Variants in TRAF3IP3 observed in about 807,000 individuals in gnomAD.
TRAF3IP3 encodes TRAF3-interacting JNK-activating modulator.
In TRAF3IP3, 64 loss-of-function variants were observed where a neutral mutation model predicts 86.5. The observed-to-expected ratio is 0.74, with a 90% confidence interval of 0.60 to 0.91. The LOEUF is 0.91. Ranked by LOEUF, TRAF3IP3 falls within the 40% of genes least tolerant of loss-of-function variation. The pLI is 0.00. For missense variants in TRAF3IP3, 579 were observed against 642.9 expected (o/e 0.90, Z 1.07); for synonymous variants, 220 against 243.9 (o/e 0.90, Z 0.91).
rs867386491 is a variant in TRAF3IP3, at chr1:209,778,024, C to G, written c.1190-87C>G. ...ACACACGTTAAAGACCATGACAAGACAGCATCTATTACTAATTTCCATCCT... is the reference window on the plus strand; with the variant it reads ...ACACACGTTAAAGACCATGACAAGAGAGCATCTATTACTAATTTCCATCCT... On this transcript the variant is annotated intron_variant, in intron 12 of 16. Coordinates refer to ENST00000367025, the MANE Select transcript of TRAF3IP3 (RefSeq NM_025228.4). 50 of 1,153,308 alleles carry G rather than the reference C, an allele frequency of 4.3e-5. 2 individuals are homozygous for G. In the Middle Eastern group the frequency reaches 8.2e-3, roughly 189 times the overall value. The allele number at this position is 1,153,308 out of a possible 1,614,324, so 71.4% of individuals were successfully genotyped here. A position where few individuals can be genotyped will look rare whatever the true frequency, so the allele number is the denominator to read the frequency against.
In TRAF3IP3 at chr1:209,780,566, T is replaced by C; in HGVS notation, c.1409T>C (p.Leu470Pro). The C allele has an allele frequency of 6.2e-7, 1 of 1,600,570 alleles. No homozygotes were observed. The highest frequency in any genetic ancestry group is 1.1e-5 in the South Asian group (1 of 89,366). ...AAAGACTGGGATCTCAGAGACCAGC[T>C]GCAAAAGAAGACTTTGCAGCTCCAG... ...KEKDWDLRDQ[L>P]QKKTLQLQAK... Residue 470 changes from leucine to proline, a missense_variant, in exon 15 of 17, where the codon CTG (leucine) becomes CCG (proline). Transcript: ENST00000367025.
At chr1:209,780,838 G>A (rs894061586) in intron 15 of TRAF3IP3, 10 of 299,600 alleles carry the variant, frequency 3.3e-5, no homozygotes, top group African/African-American at 1.1e-4. Context: ...TTAGAAAGTC[G>A]ACCAAAACTC....
chr1:209,780,808 TTTTATTAAA>T (rs767244935), intron 15 of TRAF3IP3: 10 of 367,482 alleles, frequency 2.7e-5, no homozygotes, highest in Middle Eastern at 7.3e-4. Flanking sequence ...CTATTCAAGG[TTTTATTAAA>T]TGATTACCTT....
At chr1:209,773,259 C>T (rs2077583489) in intron 9 of TRAF3IP3, among the ~76,000 whole-genome samples, 1 of 152,164 alleles carries the variant, frequency 6.6e-6, no homozygotes, top group Non-Finnish European at 1.5e-5. Context: ...TGGAGGAATC[C>T]CAGCACTAAC....
Position 209,763,487 on chromosome 1 carries a change from C to G in TRAF3IP3, c.607-5C>G, listed in dbSNP as rs750677077. ...CCCTCTTGCACTTTGTGCCCGCACCCCCAGGAGGCCCTACAAAGGGAGCTG... is the reference window on the plus strand; with the variant it reads ...CCCTCTTGCACTTTGTGCCCGCACCGCCAGGAGGCCCTACAAAGGGAGCTG... On this transcript the variant is annotated splice_polypyrimidine_tract_variant and splice_region_variant and intron_variant, in intron 7 of 16. Transcript: ENST00000367025. 1.9e-6 allele frequency: 3 copies of G among 1,614,088 alleles called. No homozygotes were observed. The highest frequency in any genetic ancestry group is 2.5e-6 in the Non-Finnish European group (3 of 1,179,932).
chr1:209,777,829 A>G, intron 12 of TRAF3IP3: 1 of 535,296 alleles, frequency 1.9e-6, no homozygotes, highest in Non-Finnish European at 3.3e-6. Flanking sequence ...CAAGGCATAG[A>G]GAAAGTCTCT....
chr1:209,764,241 T>G (rs1002048765), intron 8 of TRAF3IP3, among the ~76,000 whole-genome samples: 6 of 152,188 alleles, frequency 3.9e-5, no homozygotes, highest in African/African-American at 1.4e-4. Context: ...GGTTCTTGCT[T>G]TGAGAAGGCT....
chr1:209,777,466 T>C lies in TRAF3IP3; in HGVS notation c.1168T>C (p.Leu390=), dbSNP rs999399284. 2.5e-5 allele frequency: 40 copies of C among 1,613,776 alleles called. No homozygotes were observed. Among genetic ancestry groups the C allele is most frequent in the Non-Finnish European group, 3.2e-5 (38 of 1,179,868 alleles). Residue 390 remains leucine, a synonymous_variant, in exon 12 of 17, where the codon TTG becomes CTG. Coordinates refer to ENST00000367025, the MANE Select transcript of TRAF3IP3 (RefSeq NM_025228.4). The part of the protein sequence containing the change: ...CLQGDRDLCS[L]DTQDLQDQLK... ...GCAAGGGGACAGAGACCTGTGCAGC[T>C]TGGATACCCAGGACCTACAAGGTAC... is the stretch of plus-strand genomic sequence containing the variant.
rs1293668345 is a variant in TRAF3IP3 at position 209,773,145 on chromosome 1, C to T, written c.774+126C>T. On this transcript the variant is annotated intron_variant, in intron 9 of 16. Coordinates refer to ENST00000367025, the MANE Select transcript of TRAF3IP3 (RefSeq NM_025228.4). ...AGAATAACACACCCATTCCTACTTA[C>T]CCATTTCTGGCTTGGCCATTTACAC... 69 of 802,690 alleles carry T rather than the reference C, an allele frequency of 8.6e-5. No homozygotes were observed. In the South Asian group the frequency reaches 1.3e-3, roughly 15 times the overall value. The allele number at this position is 802,690 out of a possible 1,614,324, so 49.7% of individuals were successfully genotyped here.
intron 3 of TRAF3IP3, among the ~76,000 whole-genome samples, 167 bp downstream of exon 3, chr1:209,760,551 T>A (rs2077228754): frequency 1.3e-5 from 2 of 152,248 alleles, no homozygotes; most frequent in Non-Finnish European, 2.9e-5. Context: ...CAACAGCTAC[T>A]TATTCAGAGA....
rs142067702 is a variant in TRAF3IP3, at chr1:209,760,276, G to A, written c.237G>A (p.Ala79=). The A allele has an allele frequency of 4.0e-4, 650 of 1,614,218 alleles. 2 individuals carry two copies. The African/African-American group carries it at 5.8e-3, about 14-fold the overall frequency. ...RNLELEEKGK[A]QHPQAREQGP... ...TGGAGCTAGAGGAGAAGGGCAAAGC[G>A]CAGCATCCCCAGGCCAGGGAGCAAG... Residue 79 remains alanine (A), a synonymous_variant, in exon 3 of 17, where the codon GCG becomes GCA. Transcript: ENST00000367025.
Position 209,765,779 on chromosome 1 carries a change from C to G in TRAF3IP3, c.702+2192C>G, listed in dbSNP as rs773860983. ...AATGTCTGGCTGAAAAAAAAGACAG[C>G]TAGCTTCTCAATTTGCTTCTGTATT... On this transcript the variant is annotated intron_variant, in intron 8 of 16. Transcript: ENST00000367025. Among the ~76,000 whole-genome samples, 80 of 152,298 alleles carry G rather than the reference C, an allele frequency of 5.3e-4. 1 individual carries two copies. The highest frequency in any genetic ancestry group is 5.3e-4 in the Non-Finnish European group (36 of 68,008).
chr1:209,774,869 G>A (rs2077619795), intron 9 of TRAF3IP3, among the ~76,000 whole-genome samples: 1 of 152,132 alleles, frequency 6.6e-6, no homozygotes. Context: ...CCTGAACTAA[G>A]GAAGCAGCAG....
At position 209,777,391 on chromosome 1, in the gene TRAF3IP3, C is replaced by T. The variant is rs1391571984; in HGVS notation, c.1093C>T (p.Arg365Ter). ...GGACTTACAGATGAACCAGGCCCTG[C>T]GATTTTTGGAAAATGAGCACCAGCA... ...SRDLQMNQAL[R>*]FLENEHQQLQ... The change falls in exon 12 of 17, where the codon CGA (arginine) becomes TGA (stop). Residue 365 changes from arginine (R) to a stop codon, truncating the protein, a stop_gained. Transcript: ENST00000367025. LOFTEE classifies it high-confidence loss of function. 2.5e-6 allele frequency: 4 copies of T among 1,613,934 alleles called. No individual in the cohort carries two copies. The highest frequency in any genetic ancestry group is 2.5e-6 in the Non-Finnish European group (3 of 1,179,972).
At position 209,760,117 on chromosome 1, in the gene TRAF3IP3, G is replaced by T; in HGVS notation, c.78G>T (p.Arg26Ser). The stretch of plus-strand genomic sequence containing the variant: ...GCTATGAGGCCAAGTGTGAGCGCAG[G>T]CAAGAGATCCGTGAAAGCCGCCGCT... ...AESYEAKCER[R>S]QEIRESRRCR... Residue 26 changes from arginine (R) to serine (S), a missense_variant, in exon 3 of 17, where the codon AGG becomes AGT. Arg to Ser is a moderately radical substitution (Grantham distance 110). Coordinates refer to ENST00000367025, the MANE Select transcript of TRAF3IP3 (RefSeq NM_025228.4). The T allele has an allele frequency of 6.2e-7, 1 of 1,614,158 alleles. No individual in the cohort carries two copies. Among genetic ancestry groups the T allele is most frequent in the Non-Finnish European group, 8.5e-7 (1 of 1,180,022 alleles).
chr1:209,775,201 C>A, intron 9 of TRAF3IP3, 148 bp from the exon 10 acceptor site: 1 of 739,350 alleles, frequency 1.4e-6, no homozygotes, highest in Non-Finnish European at 2.2e-6. Context: ...ACTCTTCTTG[C>A]TAGCTCTACC....
At chr1:209,772,854 A>G in intron 8 of TRAF3IP3, 94 bp from the exon 9 acceptor site, 2 of 1,090,244 alleles carry the variant, frequency 1.8e-6, no homozygotes, top group African/African-American at 3.1e-5. Flanking sequence ...TTGAGCACCA[A>G]CCATGTGCTG....
In TRAF3IP3 at chr1:209,782,207, CAGA is replaced by C. The variant is rs1184254106; in HGVS notation, c.*62_*64del. The C allele has an allele frequency of 4.9e-6, 7 of 1,421,922 alleles. No individual in the cohort carries two copies. Among genetic ancestry groups the C allele is most frequent in the Admixed American group, 1.7e-5 (1 of 59,738 alleles). 88.1% of individuals were successfully genotyped at this position (1,421,922 alleles called of 1,614,324 possible). On this transcript the variant is annotated 3_prime_UTR_variant, in exon 17 of 17. Coordinates refer to ENST00000367025, the MANE Select transcript of TRAF3IP3 (RefSeq NM_025228.4). ...GAAGCAAGCAACTCAGCGAAAAACT[CAGA>C]AGGTTTGGGTACATTACAGCTTGGG...
intron 3 of TRAF3IP3, 42 bp from the exon 4 acceptor site, chr1:209,762,473 G>C (rs1238845498): frequency 1.9e-5 from 27 of 1,430,590 alleles, no homozygotes; most frequent in Non-Finnish European, 2.3e-5. Context: ...CTTTCAAGAG[G>C]CTCCAGGCAG....
Sources: gnomAD v4.1 joint callset for allele counts (sites outside exome capture counted in the v4.1 genomes callset) on GRCh38, gnomAD v4.1.1 for gene constraint, MANE v1.5 for transcripts, NCBI Gene and HGNC (gene_info 2026-07-23, HGNC 2026-07-21) for gene names.